Variants in TRHDE observed in about 807,000 individuals in gnomAD.
The protein encoded by TRHDE is thyrotropin releasing hormone degrading enzyme.
Under a neutral mutation model 125.7 loss-of-function variants are expected in TRHDE, and 72 were observed. The observed-to-expected ratio is 0.57, with a 90% CI of 0.47 to 0.70. The LOEUF (loss-of-function observed/expected upper bound fraction) is 0.70. Ranked by LOEUF, TRHDE falls within the 30% of genes least tolerant of loss-of-function variation. TRHDE has a pLI of 0.00. For synonymous variants in TRHDE, 509 were observed against 509.1 expected (o/e 1.00, Z 0.00); for missense variants, 1,110 against 1,327.1 (o/e 0.84, Z 2.54).
At chr12:72,417,901 T>C (rs1873797697) in intron 3 of TRHDE, among the ~76,000 whole-genome samples, 1 of 152,044 alleles carries the variant, frequency 6.6e-6, no homozygotes, top group Non-Finnish European at 1.5e-5. Flanking sequence ...ATATTTTTTA[T>C]TAAGTGCAGC....
intron 2 of TRHDE, among the ~76,000 whole-genome samples, chr12:72,221,443 T>G (rs1476188038): frequency 6.6e-6 from 1 of 152,108 alleles, no homozygotes; most frequent in East Asian, 1.9e-4. Flanking sequence ...TCTTCAGACC[T>G]TGAAAATTGT....
At chr12:72,508,889 C>G (rs1219167498) in intron 6 of TRHDE, among the ~76,000 whole-genome samples, 1 of 152,056 alleles carries the variant, frequency 6.6e-6, no homozygotes, top group Admixed American at 6.6e-5. Context: ...AGCACCTCCC[C>G]CTGCTCTTTT....
intron 15 of TRHDE, among the ~76,000 whole-genome samples, chr12:72,645,447 G>T (rs1386121992): frequency 6.6e-6 from 1 of 152,068 alleles, no homozygotes; most frequent in Non-Finnish European, 1.5e-5. Context: ...ATAATGAAAA[G>T]AAGTGAACAA....
chr12:72,294,728 G>T (rs1880222242), intron 2 of TRHDE, among the ~76,000 whole-genome samples: 1 of 152,096 alleles, frequency 6.6e-6, no homozygotes, highest in African/African-American at 2.4e-5. Flanking sequence ...GAATCTTTCT[G>T]CCTCCTGCTG....
chr12:72,529,174 T>C (rs1371700717), intron 6 of TRHDE, among the ~76,000 whole-genome samples: 2 of 152,154 alleles, frequency 1.3e-5, no homozygotes, highest in Non-Finnish European at 2.9e-5. Context: ...GAAATTTATA[T>C]AAAATATGAC....
At chr12:72,232,243 A>C (rs1878261158) in intron 2 of TRHDE, among the ~76,000 whole-genome samples, 1 of 152,176 alleles carries the variant, frequency 6.6e-6, no homozygotes, top group Admixed American at 6.5e-5. Flanking sequence ...CACAGGAAGG[A>C]GTGGGCCAGG....
rs537550866 is a variant in TRHDE at position 72,117,984 on chromosome 12, G to A, written n.279+12232G>A. The stretch of plus-strand genomic sequence containing the variant: ...AATGGTTTTCTTGTGGAGTTTTTAA[G>A]TTTTTCCAAATATAAGATCGTATCA... On this transcript the variant is annotated intron_variant and non_coding_transcript_variant, in intron 2 of 4. Coordinates refer to the TRHDE transcript ENST00000548156. Among the ~76,000 whole-genome samples, 285 of 151,212 alleles carry A rather than the reference G, an allele frequency of 1.9e-3. 1 individual carries two copies. The highest frequency in any genetic ancestry group is 4.7e-3 in the African/African-American group (195 of 41,270).
intron 2 of TRHDE, among the ~76,000 whole-genome samples, chr12:72,198,934 A>G (rs1409768341): frequency 7.2e-6 from 1 of 138,194 alleles, no homozygotes; most frequent in Non-Finnish European, 1.6e-5. Context: ...GTGAAGCAGG[A>G]GAGAGAGAGA....
chr12:72,579,039 A>C (rs575712034), intron 12 of TRHDE, among the ~76,000 whole-genome samples: 4 of 151,528 alleles, frequency 2.6e-5, no homozygotes, highest in Non-Finnish European at 5.9e-5. Flanking sequence ...TATAAAAATA[A>C]ATCTGGGGAT....
intron 7 of TRHDE, among the ~76,000 whole-genome samples, chr12:72,554,988 G>A (rs1869849689): frequency 6.6e-6 from 1 of 152,176 alleles, no homozygotes; most frequent in South Asian, 2.1e-4. Context: ...AAAGTGATGT[G>A]AGAAGATGCC....
At chr12:72,341,724 C>T (rs965325030) in intron 2 of TRHDE, among the ~76,000 whole-genome samples, 26 of 152,054 alleles carry the variant, frequency 1.7e-4, no homozygotes, top group Middle Eastern at 3.4e-3. Context: ...GCAATAGCAA[C>T]GACAGAGTCA....
intron 7 of TRHDE, among the ~76,000 whole-genome samples, chr12:72,547,474 A>ACTAAATTTCTAAAGTTACAAATC (rs1321376744): frequency 6.6e-6 from 1 of 151,778 alleles, no homozygotes; most frequent in Non-Finnish European, 1.5e-5. Context: ...TAAAGTGATT[A>ACTAAATTTCTAAAGTTACAAATC]CTCATAAAAT....
intron 2 of TRHDE, among the ~76,000 whole-genome samples, chr12:72,158,201 T>A (rs1421924935): frequency 1.3e-5 from 2 of 152,140 alleles, no homozygotes; most frequent in Non-Finnish European, 2.9e-5. Flanking sequence ...TGAATTTTTT[T>A]ATTTTTTCTG....
intron 6 of TRHDE, among the ~76,000 whole-genome samples, chr12:72,533,723 G>GTTTTTTT: frequency 1.0e-5 from 1 of 97,896 alleles, no homozygotes; most frequent in East Asian, 2.8e-4. Flanking sequence ...TTTTCTATTT[G>GTTTTTTT]TTTTTTTTTT....
At chr12:72,619,398 T>C (rs1872954580) in intron 13 of TRHDE, among the ~76,000 whole-genome samples, 1 of 152,174 alleles carries the variant, frequency 6.6e-6, no homozygotes, top group Non-Finnish European at 1.5e-5. Context: ...TATAGGCATT[T>C]TCAGTAATGA....
At chr12:72,573,965 A>G (rs930011936) in intron 10 of TRHDE, among the ~76,000 whole-genome samples, 4 of 152,024 alleles carry the variant, frequency 2.6e-5, no homozygotes, top group African/African-American at 7.2e-5. Context: ...AAATTTTTAT[A>G]TTCAGTATAC....
intron 3 of TRHDE, among the ~76,000 whole-genome samples, chr12:72,446,046 G>A (rs535604481): frequency 1.8e-4 from 27 of 151,712 alleles, no homozygotes; most frequent in South Asian, 1.7e-3. Flanking sequence ...TGGTCCGTGC[G>A]CTAGACCAGT....
At chr12:72,097,145 G>A (rs1874942992) in intron 1 of TRHDE, among the ~76,000 whole-genome samples, 1 of 152,198 alleles carries the variant, frequency 6.6e-6, no homozygotes, top group Non-Finnish European at 1.5e-5. Flanking sequence ...ATAAATGGAT[G>A]CCAGGTAAAT....
intron 1 of TRHDE, among the ~76,000 whole-genome samples, chr12:72,285,522 C>A (rs373903053): frequency 7.6e-6 from 1 of 131,440 alleles, no homozygotes; most frequent in Non-Finnish European, 1.6e-5. Context: ...TTTTTTTCTT[C>A]TTTTTTTTTT....
Sources: allele counts gnomAD v4.1 joint callset (sites outside exome capture counted in the v4.1 genomes callset), GRCh38; gene constraint gnomAD v4.1.1; transcripts MANE v1.5; gene names NCBI Gene and HGNC (gene_info 2026-07-23, HGNC 2026-07-21).